Variants in PCDH15 observed in about 807,000 individuals in gnomAD.
PCDH15 encodes the protein protocadherin-15.
In PCDH15, 129 loss-of-function variants were observed where a neutral mutation model predicts 178.5. That is an observed-to-expected ratio of 0.72 (90% CI 0.63 to 0.84). The LOEUF (loss-of-function observed/expected upper bound fraction) is 0.84. Among genes scored for constraint, PCDH15 ranks in the 40% least tolerant of loss-of-function variants. PCDH15 has a pLI of 0.00. For missense variants in PCDH15, 2,230 were observed against 2,099.9 expected, an observed-to-expected ratio of 1.06 and a Z score of -1.21; for synonymous variants, 800 against 732.0, an observed-to-expected ratio of 1.09 and a Z score of -1.50.
chr10:55,395,214 A>AG (rs1837897208), intron 2 of PCDH15, among the ~76,000 whole-genome samples: 1 of 149,980 alleles, frequency 6.7e-6, no homozygotes, highest in South Asian at 2.1e-4. Flanking sequence ...AGAGAGAGAG[A>AG]GAGAGAGAGA....
intron 15 of PCDH15, among the ~76,000 whole-genome samples, chr10:54,110,013 C>T (rs1352787563): frequency 6.6e-6 from 1 of 151,994 alleles, no homozygotes; most frequent in African/African-American, 2.4e-5. Context: ...AATACAAGTA[C>T]AAGTGGAATG....
At chr10:54,807,644 T>A (rs1952799588) in intron 3 of PCDH15, among the ~76,000 whole-genome samples, 2 of 149,990 alleles carry the variant, frequency 1.3e-5, no homozygotes, top group Admixed American at 6.7e-5. Context: ...TTCTTGAGTC[T>A]AAAACTATTA....
At chr10:53,920,514 A>G (rs1005038839) in intron 25 of PCDH15, among the ~76,000 whole-genome samples, 1 of 151,992 alleles carries the variant, frequency 6.6e-6, no homozygotes, top group Non-Finnish European at 1.5e-5. Context: ...TTCGTATTTT[A>G]TTTTTATTGT....
chr10:55,249,473 G>A (rs926310462), intron 1 of PCDH15, among the ~76,000 whole-genome samples: 4 of 152,082 alleles, frequency 2.6e-5, no homozygotes, highest in Admixed American at 1.3e-4. Context: ...ATTGGGAGAA[G>A]ACATTTACAA....
chr10:53,913,316 T>C (rs1354188214), intron 25 of PCDH15, among the ~76,000 whole-genome samples: 21 of 152,116 alleles, frequency 1.4e-4, no homozygotes. Flanking sequence ...ACTTAAATGT[T>C]AGATCTAAAA....
At chr10:54,932,460 TAA>T (rs1333626958) in intron 2 of PCDH15, among the ~76,000 whole-genome samples, 1 of 152,222 alleles carries the variant, frequency 6.6e-6, no homozygotes, top group African/African-American at 2.4e-5. Flanking sequence ...TTAAAAAATT[TAA>T]AAGTTTATAA....
chr10:54,752,452 G>C (rs1040060165), intron 1 of PCDH15, among the ~76,000 whole-genome samples: 1 of 141,070 alleles, frequency 7.1e-6, no homozygotes, highest in African/African-American at 2.7e-5. Flanking sequence ...ACTCCAGCCT[G>C]GGTGACAGAA....
chr10:54,515,553 G>A (rs1004972710), intron 3 of PCDH15, among the ~76,000 whole-genome samples: 2 of 152,238 alleles, frequency 1.3e-5, no homozygotes, highest in African/African-American at 4.8e-5. Flanking sequence ...ACCTCTGGGG[G>A]CAGGGCACAG....
At chr10:53,953,248 T>A (rs1475933812) in intron 23 of PCDH15, among the ~76,000 whole-genome samples, 1 of 152,264 alleles carries the variant, frequency 6.6e-6, no homozygotes, top group Non-Finnish European at 1.5e-5. Context: ...AAGAACTCAT[T>A]GTTTTCTGGA....
intron 2 of PCDH15, among the ~76,000 whole-genome samples, chr10:55,080,833 G>C (rs2250764): frequency 0.23 from 35,390 of 152,026 alleles, 6,664 homozygotes; most frequent in African/African-American, 0.49. Flanking sequence ...TGCTGCTCTG[G>C]TATGGAGGGT....
intron 33 of PCDH15, among the ~76,000 whole-genome samples, chr10:53,819,036 T>G (rs894766153): frequency 1.2e-4 from 18 of 152,158 alleles, no homozygotes; most frequent in Non-Finnish European, 2.4e-4. Flanking sequence ...TTTAAAATGG[T>G]TCTGCAGTGA....
Position 55,142,538 on chromosome 10 carries a change from G to A in PCDH15, c.-80+24038C>T, listed in dbSNP as rs924556366. On this transcript the variant is annotated intron_variant, in intron 2 of 5. Coordinates refer to the PCDH15 transcript ENST00000458638. ...AGATATTTTAAACAGCAATGTAATT[G>A]TAATGATACAATTTTATAGGTACAT... Among the ~76,000 whole-genome samples, 5 of 120,980 alleles carry A rather than the reference G, an allele frequency of 4.1e-5. No homozygotes were observed. The East Asian group carries it at 1.3e-3, about 31-fold the overall frequency. The allele number at this position is 120,980 out of a possible 152,430, so 79.4% of individuals were successfully genotyped here. A position where few individuals can be genotyped will look rare whatever the true frequency, so the allele number is the denominator to read the frequency against.
chr10:53,886,884 G>A (rs41487044), intron 26 of PCDH15, among the ~76,000 whole-genome samples: 16,274 of 152,008 alleles, frequency 0.11, 2,001 homozygotes, highest in African/African-American at 0.29. Context: ...TAAGATGCAG[G>A]CTGTTCCCTT....
At chr10:55,279,123 A>G (rs1349215161) in intron 1 of PCDH15, among the ~76,000 whole-genome samples, 2 of 152,158 alleles carry the variant, frequency 1.3e-5, no homozygotes, top group Non-Finnish European at 2.9e-5. Context: ...AACTGTGAAA[A>G]TCTTACTTGA....
At chr10:53,998,709 GAAGAT>G (rs1443032251) in intron 20 of PCDH15, among the ~76,000 whole-genome samples, 5 of 152,056 alleles carry the variant, frequency 3.3e-5, no homozygotes, top group Non-Finnish European at 7.4e-5. Flanking sequence ...TTTTTATTTA[GAAGAT>G]AAGTAGAAAG....
rs1292750751 is a variant in PCDH15 at position 55,070,884 on chromosome 10, C to T, written c.-80+95692G>A. On this transcript the variant is annotated intron_variant, in intron 2 of 5. Coordinates refer to the PCDH15 transcript ENST00000458638. ...ACCTTGGGCAGTATGGCCATTTTCA[C>T]GATATTGATTCTTCCTTCCCATGAG... Among the ~76,000 whole-genome samples the T allele has an allele frequency of 4.7e-4, 72 of 152,144 alleles. 1 individual carries two copies. Among genetic ancestry groups the T allele is most frequent in the Non-Finnish European group, 7.9e-4 (54 of 67,988 alleles).
intron 1 of PCDH15, among the ~76,000 whole-genome samples, chr10:55,317,342 A>C (rs776455478): frequency 9.9e-5 from 15 of 152,150 alleles, no homozygotes; most frequent in Non-Finnish European, 1.8e-4. Context: ...TTCTTACATC[A>C]AAAAAATTAA....
chr10:53,981,945 T>A (rs2090681636), intron 21 of PCDH15, among the ~76,000 whole-genome samples: 1 of 151,482 alleles, frequency 6.6e-6, no homozygotes, highest in Non-Finnish European at 1.5e-5. Context: ...ATATCCAGAA[T>A]CTACAATGAA....
intron 2 of PCDH15, among the ~76,000 whole-genome samples, chr10:55,428,320 T>C (rs1838804854): frequency 6.6e-6 from 1 of 151,970 alleles, no homozygotes; most frequent in Admixed American, 6.5e-5. Flanking sequence ...TATCTATCAG[T>C]TATCATTTTG....
Sources: allele counts gnomAD v4.1 joint callset (sites outside exome capture counted in the v4.1 genomes callset), GRCh38; gene constraint gnomAD v4.1.1; transcripts MANE v1.5; gene names NCBI Gene and HGNC (gene_info 2026-07-23, HGNC 2026-07-21).